Variants in DPP10 observed in about 807,000 individuals in gnomAD.
The protein encoded by DPP10 is inactive dipeptidyl peptidase 10.
Under a neutral mutation model 120.9 loss-of-function variants are expected in DPP10, and 33 were observed. The ratio of observed to expected loss-of-function variants is 0.27; its 90% CI spans 0.21 to 0.37. The LOEUF (loss-of-function observed/expected upper bound fraction) is 0.37, where lower values mean the gene tolerates loss of function less well. DPP10 is among the 10% of genes least tolerant of loss of function. The probability of loss-of-function intolerance (pLI) is 1.00; values close to 1 mark genes in which losing one functional copy is unlikely to be tolerated. For synonymous variants in DPP10, 337 were observed against 326.1 expected, an observed-to-expected ratio of 1.03 and a Z score of -0.36; for missense variants, 816 against 942.8, an observed-to-expected ratio of 0.87 and a Z score of 1.76.
intron 5 of DPP10, among the ~76,000 whole-genome samples, chr2:115,673,773 A>G (rs2090077170): frequency 6.6e-6 from 1 of 152,364 alleles, no homozygotes; most frequent in South Asian, 2.1e-4. Flanking sequence ...ATTGTAAAAC[A>G]TCTGTTGAGA....
intron 1 of DPP10, among the ~76,000 whole-genome samples, chr2:115,008,666 C>T (rs1183065034): frequency 7.0e-5 from 8 of 114,464 alleles, no homozygotes; most frequent in African/African-American, 8.5e-5. Context: ...AGAAAATTTT[C>T]GCAACCTACT....
intron 2 of DPP10, among the ~76,000 whole-genome samples, chr2:115,322,007 A>C (rs2062087935): frequency 6.6e-6 from 1 of 152,130 alleles, no homozygotes; most frequent in Non-Finnish European, 1.5e-5. Flanking sequence ...AATTGATTTA[A>C]AGTCATTCTC....
chr2:115,811,175 A>G (rs1686600636), intron 19 of DPP10, among the ~76,000 whole-genome samples: 2 of 152,194 alleles, frequency 1.3e-5, no homozygotes, highest in Admixed American at 1.3e-4. Context: ...TTTTAAGTGT[A>G]TGTTGAAATA....
chr2:115,617,074 T>A (rs1423056213), intron 5 of DPP10, among the ~76,000 whole-genome samples: 1 of 150,488 alleles, frequency 6.6e-6, no homozygotes, highest in African/African-American at 2.4e-5. Flanking sequence ...TAATTATTTA[T>A]AATTTATAAT....
chr2:114,933,872 G>A (rs1022608589), intron 1 of DPP10, among the ~76,000 whole-genome samples: 3 of 152,108 alleles, frequency 2.0e-5, no homozygotes, highest in African/African-American at 7.2e-5. Context: ...TGCTGGTGTC[G>A]TTAGTCACCA....
intron 2 of DPP10, among the ~76,000 whole-genome samples, chr2:115,323,093 C>T (rs2062149990): frequency 6.6e-6 from 1 of 152,150 alleles, no homozygotes; most frequent in African/African-American, 2.4e-5. Context: ...GCATGCACTG[C>T]TGTTTGAGAG....
intron 1 of DPP10, among the ~76,000 whole-genome samples, chr2:115,279,220 T>C (rs961878243): frequency 6.6e-6 from 1 of 152,196 alleles, no homozygotes; most frequent in African/African-American, 2.4e-5. Flanking sequence ...GGGAGGCTGA[T>C]GCAGTCTCTC....
chr2:115,171,455 G>A (rs543012006), intron 1 of DPP10, among the ~76,000 whole-genome samples: 1 of 151,920 alleles, frequency 6.6e-6, no homozygotes, highest in Non-Finnish European at 1.5e-5. Context: ...CCTTCAAATA[G>A]CCATGACATG....
At chr2:114,904,521 C>G (rs916817374) in intron 1 of DPP10, among the ~76,000 whole-genome samples, 1 of 152,056 alleles carries the variant, frequency 6.6e-6, no homozygotes, top group Non-Finnish European at 1.5e-5. Context: ...CATTATTAAA[C>G]AAAAAGGAAC....
At chr2:115,111,898 G>A (rs1344584665) in intron 1 of DPP10, among the ~76,000 whole-genome samples, 1 of 152,132 alleles carries the variant, frequency 6.6e-6, no homozygotes, top group African/African-American at 2.4e-5. Flanking sequence ...TGTCTTTTTA[G>A]TACTCAGTGT....
At chr2:115,031,043 C>T (rs1292041810) in intron 1 of DPP10, among the ~76,000 whole-genome samples, 3 of 152,138 alleles carry the variant, frequency 2.0e-5, no homozygotes, top group African/African-American at 4.8e-5. Flanking sequence ...ACTGGAAGTT[C>T]CTTTTGCACA....
At chr2:115,691,723 G>A (rs1575537062) in intron 7 of DPP10, among the ~76,000 whole-genome samples, 1 of 152,014 alleles carries the variant, frequency 6.6e-6, no homozygotes, top group African/African-American at 2.4e-5. Context: ...TCAGAATTTT[G>A]AATTTATTAT....
At chr2:114,465,210 A>T (rs1038404804) in intron 1 of DPP10, among the ~76,000 whole-genome samples, 1 of 152,210 alleles carries the variant, frequency 6.6e-6, no homozygotes, top group Non-Finnish European at 1.5e-5. Flanking sequence ...AATGAAGATA[A>T]TATCGTCCAC....
intron 5 of DPP10, among the ~76,000 whole-genome samples, chr2:115,596,857 AT>A: frequency 6.6e-6 from 1 of 152,320 alleles, no homozygotes; most frequent in East Asian, 1.9e-4. Context: ...TCAAATGGAG[AT>A]TTCCTTAAAT....
intron 5 of DPP10, among the ~76,000 whole-genome samples, chr2:115,540,339 A>C (rs546336778): frequency 6.6e-6 from 1 of 151,998 alleles, no homozygotes; most frequent in African/African-American, 2.4e-5. Flanking sequence ...GGGATCATTT[A>C]AGGCTAAAAC....
chr2:115,440,391 C>T (rs1245332570), intron 3 of DPP10, among the ~76,000 whole-genome samples: 1 of 151,722 alleles, frequency 6.6e-6, no homozygotes, highest in Non-Finnish European at 1.5e-5. Flanking sequence ...ATCTTCCTCC[C>T]TTTTTTCTAG....
intron 19 of DPP10, among the ~76,000 whole-genome samples, chr2:115,808,133 G>A (rs766004366): frequency 2.6e-5 from 4 of 152,166 alleles, no homozygotes; most frequent in Non-Finnish European, 5.9e-5. Context: ...AGAGATACAC[G>A]CTGAGCAGCA....
chr2:114,777,806 C>T (rs1018767795), intron 1 of DPP10, among the ~76,000 whole-genome samples: 8 of 151,938 alleles, frequency 5.3e-5, no homozygotes, highest in African/African-American at 1.9e-4. Context: ...TCCTTTGAGC[C>T]GCAGAACCAA....
intron 5 of DPP10, among the ~76,000 whole-genome samples, chr2:115,617,715 A>G (rs1167595851): frequency 6.6e-6 from 1 of 152,080 alleles, no homozygotes; most frequent in African/African-American, 2.4e-5. Flanking sequence ...TTGTGTAAGT[A>G]CACTCTATGA....
Sources: allele counts gnomAD v4.1 joint callset (sites outside exome capture counted in the v4.1 genomes callset), GRCh38; gene constraint gnomAD v4.1.1; transcripts MANE v1.5; gene names NCBI Gene and HGNC (gene_info 2026-07-23, HGNC 2026-07-21).